The following GLYATL2 variants were observed in gnomAD, a reference collection of about 807,000 sequenced individuals.
GLYATL2 encodes the protein glycine N-acyltransferase-like protein 2.
Under a neutral mutation model 21.4 loss-of-function variants are expected in GLYATL2, and 25 were observed. The ratio of observed to expected loss-of-function variants is 1.17; its 90% CI spans 0.85 to 1.63. The LOEUF is 1.63. Ranked by LOEUF, GLYATL2 falls within the 40% of genes most tolerant of loss-of-function variation. GLYATL2 has a pLI of 0.00. For missense variants in GLYATL2, 361 were observed against 343.3 expected (o/e 1.05, Z -0.41); for synonymous variants, 114 against 118.2 (o/e 0.96, Z 0.23).
chr11:58,891,759 G>T (rs974178509), intron 1 of GLYATL2, among the ~76,000 whole-genome samples: 4 of 152,196 alleles, frequency 2.6e-5, no homozygotes, highest in African/African-American at 9.7e-5. Context: ...CCCACAGGAG[G>T]TTACGTGGGG....
chr11:58,899,016 A>T (rs776436069), intron 1 of GLYATL2, among the ~76,000 whole-genome samples: 4 of 152,186 alleles, frequency 2.6e-5, no homozygotes, highest in Non-Finnish European at 4.4e-5. Flanking sequence ...ATGCCCTATG[A>T]ATCCACATTT....
rs1230869035 is a variant in GLYATL2 at position 58,839,518 on chromosome 11, T to G, written c.78+17A>C. On this transcript the variant is annotated intron_variant, in intron 2 of 5. Coordinates refer to ENST00000287275, the MANE Select transcript of GLYATL2 (RefSeq NM_145016.4). Reference sequence around the variant, plus strand: ...ACTCAACCCTCTCTCTCCTTTGATCTCCTCCTACTCCGTTACCTTTATGGA... The same window carrying G: ...ACTCAACCCTCTCTCTCCTTTGATCGCCTCCTACTCCGTTACCTTTATGGA... The G allele has an allele frequency of 1.9e-6, 3 of 1,539,504 alleles. No homozygotes were observed. Among genetic ancestry groups the G allele is most frequent in the Admixed American group, 3.5e-5 (2 of 57,596 alleles).
chr11:58,858,723 T>C (rs1348000915), intron 1 of GLYATL2, among the ~76,000 whole-genome samples: 2 of 152,198 alleles, frequency 1.3e-5, no homozygotes, highest in Non-Finnish European at 2.9e-5. Flanking sequence ...GAAGTCCTAA[T>C]TTATTGTTCT....
rs757754148 is a variant in GLYATL2, at chr11:58,837,371, A to G, written c.213T>C (p.Tyr71=). 8 of 1,613,406 alleles carry G rather than the reference A, an allele frequency of 5.0e-6. No homozygotes were observed. Among genetic ancestry groups the G allele is most frequent in the South Asian group, 1.1e-5 (1 of 91,052 alleles). ...TGGTGAAGATGTGGTAAGTGTTGGTATAATGATCCTGGTCATCTTTCATCT... is the reference window on the plus strand; with the variant it reads ...TGGTGAAGATGTGGTAAGTGTTGGTGTAATGATCCTGGTCATCTTTCATCT... ...KQEMKDDQDH[Y]TNTYHIFTKA... The change falls in exon 4 of 6, where the codon TAT becomes TAC. Residue 71 remains tyrosine (Y), a synonymous_variant. Coordinates refer to ENST00000287275, the MANE Select transcript of GLYATL2 (RefSeq NM_145016.4).
At chr11:58,869,387 G>C (rs1459489589) in intron 1 of GLYATL2, among the ~76,000 whole-genome samples, 1 of 152,208 alleles carries the variant, frequency 6.6e-6, no homozygotes, top group Middle Eastern at 3.2e-3. Flanking sequence ...TTTGACAACA[G>C]TGTTCTTTGG....
At chr11:58,840,069 G>A (rs941591050) in intron 1 of GLYATL2, among the ~76,000 whole-genome samples, 2 of 151,612 alleles carry the variant, frequency 1.3e-5, no homozygotes, top group Non-Finnish European at 2.9e-5. Flanking sequence ...CATAGCATGG[G>A]TACTATTTTC....
chr11:58,898,345 T>G (rs1450912156), intron 1 of GLYATL2, among the ~76,000 whole-genome samples: 1 of 152,170 alleles, frequency 6.6e-6, no homozygotes, highest in Non-Finnish European at 1.5e-5. Context: ...GAATTTCCCT[T>G]GCAGTGTGTC....
At chr11:58,885,232 C>G (rs1205757825) in intron 1 of GLYATL2, among the ~76,000 whole-genome samples, 5 of 152,226 alleles carry the variant, frequency 3.3e-5, no homozygotes, top group African/African-American at 1.2e-4. Context: ...TTTGGTATCA[C>G]AAGGACACCT....
intron 1 of GLYATL2, among the ~76,000 whole-genome samples, chr11:58,862,703 G>A (rs1301523176): frequency 1.3e-5 from 2 of 152,002 alleles, no homozygotes; most frequent in African/African-American, 4.8e-5. Context: ...TTATTTCTCT[G>A]ATTCTTTTTA....
chr11:58,883,045 TTTTGATTGCATA>T (rs1854369168), intron 1 of GLYATL2, among the ~76,000 whole-genome samples: 1 of 152,250 alleles, frequency 6.6e-6, no homozygotes, highest in Non-Finnish European at 1.5e-5. Context: ...GCAGGTTCTT[TTTTGATTGCATA>T]TGAACTTTAA....
chr11:58,855,735 G>C (rs991190072), intron 1 of GLYATL2, among the ~76,000 whole-genome samples: 3 of 152,178 alleles, frequency 2.0e-5, no homozygotes, highest in Non-Finnish European at 4.4e-5. Context: ...TTGTTGTTTG[G>C]TGTAGCCACC....
upstream of GLYATL2, chr11:58,905,306 C>G (rs944386524): frequency 9.1e-5 from 35 of 386,606 alleles, no homozygotes; most frequent in African/African-American, 6.2e-5. Context: ...GCGGGTGCAG[C>G]CTGCTCTGCG....
At chr11:58,890,373 T>G (rs1225749915) in intron 1 of GLYATL2, among the ~76,000 whole-genome samples, 1 of 152,154 alleles carries the variant, frequency 6.6e-6, no homozygotes. Context: ...TCCTGTTGTA[T>G]GTTCATTGCT....
At chr11:58,863,150 A>G (rs1853962107) in intron 1 of GLYATL2, among the ~76,000 whole-genome samples, 1 of 152,056 alleles carries the variant, frequency 6.6e-6, no homozygotes, top group South Asian at 2.1e-4. Context: ...GGGGATGAAC[A>G]TAAAACCAAT....
intron 1 of GLYATL2, among the ~76,000 whole-genome samples, chr11:58,902,852 T>A (rs1854763560): frequency 6.6e-6 from 1 of 152,200 alleles, no homozygotes; most frequent in South Asian, 2.1e-4. Context: ...CATGTAAGCA[T>A]TAGCTGAAAG....
chr11:58,857,880 T>C (rs1173711478), intron 1 of GLYATL2, among the ~76,000 whole-genome samples: 4 of 107,046 alleles, frequency 3.7e-5, no homozygotes, highest in Non-Finnish European at 7.3e-5. Flanking sequence ...CCCTACTCTT[T>C]TCCCCTCCAA....
At chr11:58,896,259 A>AT (rs1854633387) in intron 1 of GLYATL2, among the ~76,000 whole-genome samples, 1 of 152,126 alleles carries the variant, frequency 6.6e-6, no homozygotes, top group Non-Finnish European at 1.5e-5. Flanking sequence ...CAGCCTCTTC[A>AT]TGCATCACCT....
At chr11:58,866,485 A>C (rs924091979) in intron 1 of GLYATL2, among the ~76,000 whole-genome samples, 2 of 148,752 alleles carry the variant, frequency 1.3e-5, no homozygotes, top group Non-Finnish European at 3.0e-5. Context: ...CTCAATCACC[A>C]AAGCTCCTGA....
chr11:58,852,077 A>T (rs1427059497), intron 1 of GLYATL2, among the ~76,000 whole-genome samples: 2 of 152,248 alleles, frequency 1.3e-5, no homozygotes, highest in Non-Finnish European at 2.9e-5. Flanking sequence ...TTGGTAGATG[A>T]TAATTTGCTT....
Sources: allele counts gnomAD v4.1 joint callset (sites outside exome capture counted in the v4.1 genomes callset), GRCh38; gene constraint gnomAD v4.1.1; transcripts MANE v1.5; gene names NCBI Gene and HGNC (gene_info 2026-07-23, HGNC 2026-07-21).